Variants in TBC1D22A observed in about 807,000 individuals in gnomAD.
The protein encoded by TBC1D22A is TBC1 domain family member 22A, also known as putative GTPase activator.
TBC1D22A carries 38 observed loss-of-function variants against 60.2 expected under a neutral mutation model. The observed-to-expected ratio is 0.63, with a 90% CI of 0.49 to 0.83. TBC1D22A has a LOEUF of 0.83. Among genes scored for constraint, TBC1D22A ranks in the 40% least tolerant of loss-of-function variants. The pLI, the probability that TBC1D22A is intolerant of heterozygous loss-of-function variation, is 0.00. For missense variants in TBC1D22A, 628 were observed against 701.0 expected (o/e 0.90, Z 1.18); for synonymous variants, 302 against 281.7 (o/e 1.07, Z -0.72).
chr22:46,839,155 A>G (rs1028033085), intron 4 of TBC1D22A, among the ~76,000 whole-genome samples: 2 of 152,272 alleles, frequency 1.3e-5, no homozygotes, highest in African/African-American at 4.8e-5. Flanking sequence ...AAGTGGCAGG[A>G]TACAAAAATC....
At chr22:47,017,435 G>C (rs1342662777) in intron 10 of TBC1D22A, among the ~76,000 whole-genome samples, 1 of 152,152 alleles carries the variant, frequency 6.6e-6, no homozygotes, top group African/African-American at 2.4e-5. Flanking sequence ...CCTGAGTGTT[G>C]GGGGAACCTG....
chr22:47,082,370 G>A lies in TBC1D22A; in HGVS notation c.1330-29138G>A, dbSNP rs191729895. Among the ~76,000 whole-genome samples, 27 of 152,064 alleles carry A rather than the reference G, an allele frequency of 1.8e-4. No individual in the cohort carries two copies. In the East Asian group the frequency reaches 4.6e-3, roughly 26 times the overall value. On this transcript the variant is annotated intron_variant, in intron 11 of 12. Transcript: ENST00000337137. ...TTGATTTTAGGACTTCCTACAGAGC[G>A]GCAGTTATCAGGACAGCGTGGCATT...
intron 4 of TBC1D22A, among the ~76,000 whole-genome samples, chr22:46,811,642 G>T (rs975869044): frequency 6.6e-5 from 10 of 152,338 alleles, no homozygotes; most frequent in African/African-American, 2.4e-4. Context: ...GCGATTCCTA[G>T]AGACTTACAG....
At chr22:46,972,604 C>CA (rs1192138157) in intron 8 of TBC1D22A, among the ~76,000 whole-genome samples, 10 of 152,170 alleles carry the variant, frequency 6.6e-5, no homozygotes, top group African/African-American at 2.4e-4. Flanking sequence ...TCCATAGAGA[C>CA]AGAGGCAGGT....
At chr22:47,115,232 G>T (rs1355618961) in intron 12 of TBC1D22A, among the ~76,000 whole-genome samples, 1 of 152,172 alleles carries the variant, frequency 6.6e-6, no homozygotes, top group African/African-American at 2.4e-5. Context: ...AGAGCTTGCT[G>T]GTCCTCAGGA....
intron 10 of TBC1D22A, among the ~76,000 whole-genome samples, chr22:47,033,356 G>T (rs951310525): frequency 6.6e-6 from 1 of 152,194 alleles, no homozygotes; most frequent in Non-Finnish European, 1.5e-5. Flanking sequence ...AAAACTCCTC[G>T]CTATTGCTGT....
chr22:46,847,851 A>T (rs1165558894), intron 4 of TBC1D22A, among the ~76,000 whole-genome samples: 2 of 152,156 alleles, frequency 1.3e-5, no homozygotes, highest in Non-Finnish European at 2.9e-5. Context: ...TTTTATGTAA[A>T]ACATCTAAAA....
chr22:46,908,987 G>C (rs2069695066), intron 7 of TBC1D22A, among the ~76,000 whole-genome samples: 1 of 152,162 alleles, frequency 6.6e-6, no homozygotes. Flanking sequence ...GGCCTGCGCA[G>C]ATCTCTCCCC....
At chr22:46,975,523 A>G (rs539647303) in intron 9 of TBC1D22A, among the ~76,000 whole-genome samples, 1 of 152,280 alleles carries the variant, frequency 6.6e-6, no homozygotes, top group African/African-American at 2.4e-5. Context: ...GAGGGTCTGC[A>G]TGTTCTGCCA....
chr22:46,938,589 C>CTCT lies in TBC1D22A; in HGVS notation c.1015+26402_1015+26403insCTT, dbSNP rs796920005. 1.2e-4 allele frequency among the ~76,000 whole-genome samples: 17 copies of CTCT among 140,594 alleles called. No homozygotes were observed. The South Asian group carries it at 2.5e-3, about 20-fold the overall frequency. The allele number at this position is 140,594 out of a possible 152,430, so 92.2% of individuals were successfully genotyped here. On this transcript the variant is annotated intron_variant, in intron 8 of 12. Transcript: ENST00000337137. ...ATCATTATTAATCAGTTATTTCTCT[C>CTCT]TTTTTTTTTTTTTTGAGGTGGAGTC...
intron 10 of TBC1D22A, among the ~76,000 whole-genome samples, chr22:47,032,582 A>G (rs970688477): frequency 7.9e-5 from 12 of 152,136 alleles, no homozygotes; most frequent in African/African-American, 2.9e-4. Flanking sequence ...TCCTGTGTAA[A>G]ATGTGGGCAC....
chr22:47,172,108 TC>T (rs1601765410), intron 12 of TBC1D22A, among the ~76,000 whole-genome samples: 1 of 123,888 alleles, frequency 8.1e-6, no homozygotes, highest in Non-Finnish European at 1.8e-5. Context: ...AGCTGTGTGC[TC>T]ACCCAGAGTG....
chr22:47,016,526 G>A (rs2061915827), intron 10 of TBC1D22A, among the ~76,000 whole-genome samples: 1 of 152,192 alleles, frequency 6.6e-6, no homozygotes, highest in Admixed American at 6.5e-5. Context: ...GGCTCATCCT[G>A]AGGACTGGGC....
intron 12 of TBC1D22A, among the ~76,000 whole-genome samples, chr22:47,157,826 G>A (rs1048770283): frequency 1.3e-5 from 2 of 152,138 alleles, no homozygotes; most frequent in Non-Finnish European, 2.9e-5. Context: ...GTGAGTTGGG[G>A]GCATCTATAC....
Position 46,878,733 on chromosome 22 carries a change from A to G in TBC1D22A, c.708+10A>G, listed in dbSNP as rs767441251. On this transcript the variant is annotated intron_variant, in intron 5 of 12. Coordinates refer to ENST00000337137, the MANE Select transcript of TBC1D22A (RefSeq NM_014346.5). Reference sequence around the variant, plus strand: ...GTGGAAGCTCCTCTCAGTAAGTCCCACCGCACCGCCCATCAGCGCCTCCTT... The same window carrying G: ...GTGGAAGCTCCTCTCAGTAAGTCCCGCCGCACCGCCCATCAGCGCCTCCTT... The G allele has an allele frequency of 5.6e-6, 9 of 1,612,680 alleles. No homozygotes were observed. In the South Asian group the frequency reaches 9.9e-5, roughly 18 times the overall value.
rs1289169185 is a variant in TBC1D22A at position 46,793,543 on chromosome 22, G to C, written c.162G>C (p.Lys54Asn). Residue 54 changes from lysine to asparagine, a missense_variant, in exon 3 of 13, where the codon AAG becomes AAC. Physicochemically the swap from Lys to Asn is moderately conservative, Grantham distance 94. Transcript: ENST00000337137. ...CCAAGATGCCGACCACACCAGTGAAGGCCAAGAGGGTCAGCACCTTCCAGG... is the reference window on the plus strand; with the variant it reads ...CCAAGATGCCGACCACACCAGTGAACGCCAAGAGGGTCAGCACCTTCCAGG... ...STAKMPTTPV[K>N]AKRVSTFQEF... is the part of the protein sequence containing the mutation. The C allele has an allele frequency of 1.1e-5, 17 of 1,614,208 alleles. No individual in the cohort carries two copies. The highest frequency in any genetic ancestry group is 1.4e-5 in the Non-Finnish European group (17 of 1,180,052).
Position 47,111,543 on chromosome 22 carries a change from C to T in TBC1D22A, c.1365C>T (p.Tyr455=), listed in dbSNP as rs750886887. The stretch of plus-strand genomic sequence containing the variant: ...ACGGCTTTTCTCATTTCCACTTGTA[C>T]GTGTGCGCTGCTTTTCTCGTGAGAT... The part of the protein sequence containing the change: ...EPDGFSHFHL[Y]VCAAFLVRWR... Residue 455 remains tyrosine, a synonymous_variant, in exon 12 of 13, where the codon TAC becomes TAT. Coordinates refer to ENST00000337137, the MANE Select transcript of TBC1D22A (RefSeq NM_014346.5). 124 of 1,613,998 alleles carry T rather than the reference C, an allele frequency of 7.7e-5. No individual in the cohort carries two copies. The highest frequency in any genetic ancestry group is 1.6e-4 in the Middle Eastern group (1 of 6,084).
In TBC1D22A at chr22:46,793,768, G is replaced by A. The variant is rs2084528429; in HGVS notation, c.387G>A (p.Glu129=). 1 of 1,604,614 alleles carries A rather than the reference G, an allele frequency of 6.2e-7. No homozygotes were observed. The highest frequency in any genetic ancestry group is 1.3e-5 in the African/African-American group (1 of 74,718). Residue 129 remains glutamate (E), a synonymous_variant, in exon 3 of 13, where the codon GAG becomes GAA. Transcript: ENST00000337137. Reference sequence around the variant, plus strand: ...AGCAGAAGCCCAGGCCCGAGGCAGAGCCGCCCTCACCCCCCAGCGGCGACC... The same window carrying A: ...AGCAGAAGCCCAGGCCCGAGGCAGAACCGCCCTCACCCCCCAGCGGCGACC... ...GLQQKPRPEA[E]PPSPPSGDLR... is the part of the protein sequence containing the mutation.
intron 12 of TBC1D22A, among the ~76,000 whole-genome samples, chr22:47,134,330 C>T (rs1366378173): frequency 6.6e-6 from 1 of 152,226 alleles, no homozygotes; most frequent in Non-Finnish European, 1.5e-5. Context: ...TCCCACTTTG[C>T]AGCCTTTTCA....
Sources: gnomAD v4.1 joint callset for allele counts (sites outside exome capture counted in the v4.1 genomes callset) on GRCh38, gnomAD v4.1.1 for gene constraint, MANE v1.5 for transcripts, NCBI Gene and HGNC (gene_info 2026-07-23, HGNC 2026-07-21) for gene names.